The following CACNA1C variants were observed in gnomAD, a reference collection of about 807,000 sequenced individuals.
CACNA1C encodes voltage-dependent L-type calcium channel subunit alpha-1C.
In CACNA1C, 30 loss-of-function variants were observed where a neutral mutation model predicts 229.0. The observed-to-expected ratio is 0.13, with a 90% CI of 0.10 to 0.18. The LOEUF (loss-of-function observed/expected upper bound fraction) is 0.18, where lower values mean the gene tolerates loss of function less well. CACNA1C is among the 10% of genes least tolerant of loss of function. The pLI is 1.00. For synonymous variants in CACNA1C, 1,114 were observed against 1,132.5 expected, an observed-to-expected ratio of 0.98 and a Z score of 0.33; for missense variants, 1,658 against 2,845.0, an observed-to-expected ratio of 0.58 and a Z score of 9.49.
intron 3 of CACNA1C, among the ~76,000 whole-genome samples, chr12:2,255,631 A>G (rs2077177231): frequency 6.6e-6 from 1 of 152,222 alleles, no homozygotes; most frequent in Admixed American, 6.5e-5. Context: ...TGGCCTTCAG[A>G]AGACCAGGAG....
At chr12:2,101,720 G>A (rs1308080111) in intron 1 of CACNA1C, among the ~76,000 whole-genome samples, 1 of 152,114 alleles carries the variant, frequency 6.6e-6, no homozygotes, top group Non-Finnish European at 1.5e-5. Flanking sequence ...CAGTGAATGC[G>A]CAGGGTGAGT....
intron 4 of CACNA1C, among the ~76,000 whole-genome samples, chr12:2,452,348 G>A (rs1296447180): frequency 1.3e-5 from 2 of 152,144 alleles, no homozygotes; most frequent in Non-Finnish European, 2.9e-5. Flanking sequence ...GAGGGACCGT[G>A]GAATCCTCAG....
At chr12:2,220,144 G>A (rs1440931939) in intron 3 of CACNA1C, among the ~76,000 whole-genome samples, 1 of 152,154 alleles carries the variant, frequency 6.6e-6, no homozygotes, top group Non-Finnish European at 1.5e-5. Context: ...GGGTCCCTGG[G>A]CAATTGTACA....
Position 2,677,739 on chromosome 12 carries a change from T to C in CACNA1C, c.4963T>C (p.Leu1655=). The change falls in exon 41 of 47, where the codon TTG becomes CTG. Residue 1655 remains leucine, a synonymous_variant. Coordinates refer to ENST00000399655, the MANE Select transcript of CACNA1C (RefSeq NM_000719.7). This position sits in a 1 kb window ranked among gnomAD's most constrained non-coding sequence, Gnocchi z 7.4. ...TCCTCCCCTTGGATTCCAGGCTGGCTTGCGCACACTGCATGACATCGGGCC... is the reference window on the plus strand; with the variant it reads ...TCCTCCCCTTGGATTCCAGGCTGGCCTGCGCACACTGCATGACATCGGGCC... ...QRNALSLQAG[L]RTLHDIGPEI... The C allele has an allele frequency of 6.2e-7, 1 of 1,613,418 alleles. No individual in the cohort carries two copies. The highest frequency in any genetic ancestry group is 1.7e-4 in the Middle Eastern group (1 of 6,008).
chr12:2,407,038 G>A (rs796402408), intron 3 of CACNA1C, among the ~76,000 whole-genome samples: 2 of 152,230 alleles, frequency 1.3e-5, no homozygotes, highest in South Asian at 2.1e-4. Flanking sequence ...TACTGCTGGC[G>A]TGGCTCAGGC....
intron 3 of CACNA1C, among the ~76,000 whole-genome samples, chr12:2,407,858 T>A (rs1488170597): frequency 6.6e-6 from 1 of 152,240 alleles, no homozygotes; most frequent in Non-Finnish European, 1.5e-5. Context: ...GAGAAATGTC[T>A]ATTCAAATCC....
intron 5 of CACNA1C, among the ~76,000 whole-genome samples, chr12:2,468,860 G>A (rs1467949104): frequency 2.6e-5 from 4 of 152,206 alleles, no homozygotes; most frequent in Non-Finnish European, 4.4e-5. Flanking sequence ...TGCAAAATGG[G>A]AGGGTACAAC....
Position 2,053,340 on chromosome 12 carries a change from C to G in CACNA1C, c.-223C>G, listed in dbSNP as rs2052875915. On this transcript the variant is annotated 5_prime_UTR_variant, in exon 1 of 47. Coordinates refer to ENST00000399655, the MANE Select transcript of CACNA1C (RefSeq NM_000719.7). The surrounding 1 kb of genome is among the most constrained non-coding windows in gnomAD (Gnocchi z 5.8). Reference sequence around the variant, plus strand: ...ACTGAGGATGCGTTACAGTTTCACTCGAGGAGGCAGTAGTGGAAAGGAGCA... The same window carrying G: ...ACTGAGGATGCGTTACAGTTTCACTGGAGGAGGCAGTAGTGGAAAGGAGCA... 1.5e-6 allele frequency: 2 copies of G among 1,308,798 alleles called. No homozygotes were observed. Among genetic ancestry groups the G allele is most frequent in the Non-Finnish European group, 1.9e-6 (2 of 1,027,212 alleles). The allele number at this position is 1,308,798 out of a possible 1,614,324, so 81.1% of individuals were successfully genotyped here. A position where few individuals can be genotyped will look rare whatever the true frequency, so the allele number is the denominator to read the frequency against.
chr12:2,681,021 T>C (rs2097120324), intron 42 of CACNA1C, among the ~76,000 whole-genome samples: 2 of 152,192 alleles, frequency 1.3e-5, no homozygotes, highest in African/African-American at 2.4e-5. Flanking sequence ...CATCCTTCTC[T>C]GCAACCTCAC....
In CACNA1C at chr12:2,412,528, G is replaced by T. The variant is rs558316988; in HGVS notation, c.478-36448G>T. 4.3e-4 allele frequency among the ~76,000 whole-genome samples: 65 copies of T among 152,382 alleles called. 1 individual carries two copies. Among genetic ancestry groups the T allele is most frequent in the Non-Finnish European group, 1.8e-4 (12 of 68,040 alleles). On this transcript the variant is annotated intron_variant, in intron 3 of 46. Coordinates refer to ENST00000399655, the MANE Select transcript of CACNA1C (RefSeq NM_000719.7). The stretch of plus-strand genomic sequence containing the variant: ...CCGCGGCCAGAGGCTCACACTGTAT[G>T]CTTTGCTTTAGGGCTCGGGAGAAAG...
chr12:2,477,585 G>A (rs2154569059), intron 5 of CACNA1C, among the ~76,000 whole-genome samples: 1 of 152,302 alleles, frequency 6.6e-6, no homozygotes, highest in South Asian at 2.1e-4. Context: ...CTCATCTCCA[G>A]TCTGTAGTTG....
At chr12:2,230,974 A>G (rs770997212) in intron 3 of CACNA1C, among the ~76,000 whole-genome samples, 2 of 152,212 alleles carry the variant, frequency 1.3e-5, no homozygotes, top group African/African-American at 2.4e-5. Flanking sequence ...GACTTTGTCA[A>G]TCTCTTAATT....
In CACNA1C at chr12:2,152,035, T is replaced by G. The variant is rs920072248; in HGVS notation, c.477+31605T>G. 6.6e-6 allele frequency among the ~76,000 whole-genome samples: 1 copy of G among 152,210 alleles called. No individual in the cohort carries two copies. The highest frequency in any genetic ancestry group is 1.5e-5 in the Non-Finnish European group (1 of 68,038). On this transcript the variant is annotated intron_variant, in intron 3 of 46. Transcript: ENST00000399655. This position sits in a 1 kb window ranked among gnomAD's most constrained non-coding sequence, Gnocchi z 4.2. The stretch of plus-strand genomic sequence containing the variant: ...GGCGTTTTTAGTGCCTTGACTAGTG[T>G]GAGAAACTTGAAACTCAGTCTCATT...
At chr12:2,371,247 C>T (rs1360953592) in intron 3 of CACNA1C, among the ~76,000 whole-genome samples, 1 of 152,076 alleles carries the variant, frequency 6.6e-6, no homozygotes, top group Non-Finnish European at 1.5e-5. Flanking sequence ...ATGGTGAGCT[C>T]ACCAGGACAC....
chr12:2,500,807 G>A (rs749216429), intron 7 of CACNA1C, among the ~76,000 whole-genome samples: 3 of 152,164 alleles, frequency 2.0e-5, no homozygotes, highest in Admixed American at 6.5e-5. Context: ...GGGTGCCGGC[G>A]TGCCCTCGAG....
chr12:2,184,791 TG>T (rs1342320188), intron 3 of CACNA1C, among the ~76,000 whole-genome samples: 1 of 152,136 alleles, frequency 6.6e-6, no homozygotes, highest in Non-Finnish European at 1.5e-5. Context: ...CAGAGAACCT[TG>T]CTTTCCAACC....
intron 1 of CACNA1C, among the ~76,000 whole-genome samples, chr12:1,996,650 A>AC (rs2040941800): frequency 2.3e-5 from 1 of 43,402 alleles, no homozygotes; most frequent in East Asian, 5.7e-4. Context: ...AAAAAAAAAA[A>AC]AAAAACAACA....
intron 38 of CACNA1C, among the ~76,000 whole-genome samples, chr12:2,670,602 T>C (rs2096511264): frequency 1.3e-5 from 2 of 152,134 alleles, no homozygotes; most frequent in Non-Finnish European, 2.9e-5. Context: ...GGCTCGTGCC[T>C]GTAATTCCAG....
At chr12:2,359,272 T>G (rs888579525) in intron 3 of CACNA1C, among the ~76,000 whole-genome samples, 2 of 152,104 alleles carry the variant, frequency 1.3e-5, no homozygotes, top group Non-Finnish European at 1.5e-5. Flanking sequence ...CTCTACCACG[T>G]GAATGGAGGG....
Sources: gnomAD v4.1 joint callset for allele counts (sites outside exome capture counted in the v4.1 genomes callset) on GRCh38, gnomAD v4.1.1 for gene constraint, Gnocchi (gnomAD v3.1) non-coding constraint, MANE v1.5 for transcripts, NCBI Gene and HGNC (gene_info 2026-07-23, HGNC 2026-07-21) for gene names.